IL6R: variants seen among roughly 807,000 people sequenced by gnomAD.
IL6R encodes the protein interleukin-6 receptor subunit alpha.
IL6R carries 38 observed loss-of-function variants against 48.3 expected under a neutral mutation model. The ratio of observed to expected loss-of-function variants is 0.79; its 90% CI spans 0.61 to 1.03. IL6R has a LOEUF of 1.03. Ranked by LOEUF, IL6R falls within the 50% of genes least tolerant of loss-of-function variation. The probability of loss-of-function intolerance (pLI) is 0.00; values close to 1 mark genes in which losing one functional copy is unlikely to be tolerated. For synonymous variants in IL6R, 264 were observed against 256.2 expected (o/e 1.03, Z -0.29); for missense variants, 534 against 618.3 (o/e 0.86, Z 1.45).
intron 6 of IL6R, among the ~76,000 whole-genome samples, chr1:154,445,493 G>A (rs1427375608): frequency 6.6e-6 from 1 of 152,194 alleles, no homozygotes; most frequent in Non-Finnish European, 1.5e-5. Context: ...GCTCACACCT[G>A]TAATCTCAGT....
At chr1:154,433,734 A>AT (rs34926346) in intron 3 of IL6R, among the ~76,000 whole-genome samples, 86,145 of 147,842 alleles carry the variant, frequency 0.58, 25,212 homozygotes, top group Admixed American at 0.65. Context: ...TTATTGCTCA[A>AT]TTTTTTTTTT....
rs76032695 is a variant in IL6R, at chr1:154,429,825, G to T, written c.334+381G>T. The stretch of plus-strand genomic sequence containing the variant: ...CTTACCTTAGAGTTGTTGCAAAGGG[G>T]GTGTATGTGAATTTGCGTATGTGTG... On this transcript the variant is annotated intron_variant, in intron 2 of 9. Coordinates refer to ENST00000368485, the MANE Select transcript of IL6R (RefSeq NM_000565.4). 6.2e-3 allele frequency among the ~76,000 whole-genome samples: 941 copies of T among 152,136 alleles called. 9 individuals are homozygous for T. The highest frequency in any genetic ancestry group is 0.022 in the African/African-American group (896 of 41,498).
chr1:154,424,804 G>C (rs186032893), intron 1 of IL6R, among the ~76,000 whole-genome samples: 1 of 152,136 alleles, frequency 6.6e-6, no homozygotes. Flanking sequence ...AGCAGGACAA[G>C]CCACAGACAA....
intron 9 of IL6R, among the ~76,000 whole-genome samples, chr1:154,462,491 G>A (rs113418219): frequency 9.3e-5 from 14 of 150,774 alleles, no homozygotes; most frequent in African/African-American, 3.2e-4. Flanking sequence ...CTCCTGCCTC[G>A]GTCTCCTGAG....
chr1:154,425,281 C>T (rs1398525052), intron 1 of IL6R, among the ~76,000 whole-genome samples: 3 of 152,136 alleles, frequency 2.0e-5, no homozygotes, highest in South Asian at 4.1e-4. Flanking sequence ...AGGTCACACA[C>T]GCCAACACCA....
At chr1:154,434,929 A>T in intron 4 of IL6R, 61 bp from the exon 5 acceptor site, 4 of 1,565,150 alleles carry the variant, frequency 2.6e-6, no homozygotes, top group Non-Finnish European at 2.6e-6. Context: ...ATCTCAGCCT[A>T]CATGGGCTTC....
chr1:154,410,874 T>A (rs2149204888), intron 1 of IL6R, among the ~76,000 whole-genome samples: 1 of 152,348 alleles, frequency 6.6e-6, no homozygotes, highest in Non-Finnish European at 1.5e-5. Context: ...ATATGATGGT[T>A]ACAATAACTG....
chr1:154,447,807 C>G (rs555317548), intron 6 of IL6R, among the ~76,000 whole-genome samples: 1 of 151,728 alleles, frequency 6.6e-6, no homozygotes, highest in South Asian at 2.1e-4. Flanking sequence ...CTCCGCCTCC[C>G]GGGTTCAAAC....
intron 2 of IL6R, 122 bp from the exon 3 acceptor site, chr1:154,430,361 C>T: frequency 7.7e-7 from 1 of 1,291,312 alleles, no homozygotes; most frequent in Non-Finnish European, 1.1e-6. Flanking sequence ...CTGACTAGCT[C>T]CAGGGCTGGG....
In IL6R at chr1:154,466,435, C is replaced by CT. The variant is rs1691557140; in HGVS notation, c.*1056dup. The stretch of plus-strand genomic sequence containing the variant: ...AACTTGGTTTTTAAAAAACTGCTGA[C>CT]TGTTTTCTCTTGAGAGGGTGGAATA... On this transcript the variant is annotated 3_prime_UTR_variant, in exon 10 of 10. Coordinates refer to ENST00000368485, the MANE Select transcript of IL6R (RefSeq NM_000565.4). The CT allele has an allele frequency of 6.6e-6, 1 of 152,228 alleles. No individual in the cohort carries two copies. The highest frequency in any genetic ancestry group is 2.1e-4 in the South Asian group (1 of 4,834). 9.4% of individuals were successfully genotyped at this position (152,228 alleles called of 1,614,324 possible). A position where few individuals can be genotyped will look rare whatever the true frequency, so the allele number is the denominator to read the frequency against.
intron 8 of IL6R, chr1:154,454,107 T>G: frequency 4.3e-6 from 1 of 232,816 alleles, no homozygotes; most frequent in Non-Finnish European, 8.6e-6. Context: ...AAGCCTTCCG[T>G]TTGTTGTACC....
intron 1 of IL6R, among the ~76,000 whole-genome samples, chr1:154,423,596 T>C (rs1281199318): frequency 6.6e-6 from 1 of 152,148 alleles, no homozygotes; most frequent in East Asian, 1.9e-4. Flanking sequence ...TTATGAGTAT[T>C]TCTTTGATCA....
chr1:154,457,916 C>T (rs1690981018), intron 9 of IL6R, among the ~76,000 whole-genome samples: 1 of 151,866 alleles, frequency 6.6e-6, no homozygotes, highest in Non-Finnish European at 1.5e-5. Flanking sequence ...GATGACTACT[C>T]AAATTGGGTT....
At chr1:154,434,211 G>A (rs1430474450) in intron 3 of IL6R, among the ~76,000 whole-genome samples, 3 of 151,980 alleles carry the variant, frequency 2.0e-5, no homozygotes, top group Non-Finnish European at 4.4e-5. Context: ...GGAGGCTGAG[G>A]CAGGAGAATC....
intron 1 of IL6R, among the ~76,000 whole-genome samples, chr1:154,419,161 T>A (rs888630823): frequency 6.6e-6 from 1 of 152,198 alleles, no homozygotes; most frequent in African/African-American, 2.4e-5. Flanking sequence ...TCTGATCTCT[T>A]GTTGCCTCAA....
intron 8 of IL6R, chr1:154,454,174 GAGT>G (rs1360288859): frequency 2.4e-6 from 1 of 413,058 alleles, no homozygotes; most frequent in Non-Finnish European, 4.5e-6. Flanking sequence ...CTCTGAAAGT[GAGT>G]AGGAGTCTGT....
At chr1:154,415,341 T>C (rs1056610736) in intron 1 of IL6R, among the ~76,000 whole-genome samples, 5 of 152,250 alleles carry the variant, frequency 3.3e-5, no homozygotes, top group Admixed American at 2.6e-4. Flanking sequence ...GACTCCAGCT[T>C]TTTCTTTCCA....
At chr1:154,448,747 C>T (rs1313870321) in intron 7 of IL6R, among the ~76,000 whole-genome samples, 1 of 152,118 alleles carries the variant, frequency 6.6e-6, no homozygotes, top group Non-Finnish European at 1.5e-5. Flanking sequence ...GGCTAGAGTG[C>T]TCCCAACACG....
chr1:154,449,212 G>A (rs183721211), intron 7 of IL6R, among the ~76,000 whole-genome samples: 3 of 148,156 alleles, frequency 2.0e-5, no homozygotes, highest in East Asian at 2.2e-4. Flanking sequence ...GCTTCTTAAC[G>A]TGAGTTAAGT....
Sources: allele counts gnomAD v4.1 joint callset (sites outside exome capture counted in the v4.1 genomes callset), GRCh38; gene constraint gnomAD v4.1.1; transcripts MANE v1.5; gene names NCBI Gene and HGNC (gene_info 2026-07-23, HGNC 2026-07-21).